The following EP300 variants were observed in gnomAD, a reference collection of about 807,000 sequenced individuals.
The protein encoded by EP300 is histone acetyltransferase p300.
In EP300, 31 loss-of-function variants were observed where a neutral mutation model predicts 264.0. That is an observed-to-expected ratio of 0.12 (90% CI 0.09 to 0.16). EP300 has a LOEUF of 0.16. EP300 is among the 10% of genes least tolerant of loss of function. The probability of loss-of-function intolerance (pLI) is 1.00; values close to 1 mark genes in which losing one functional copy is unlikely to be tolerated. For synonymous variants in EP300, 1,340 were observed against 1,045.4 expected (o/e 1.28, Z -5.44); for missense variants, 2,766 against 3,052.9 (o/e 0.91, Z 2.21).
In EP300 at chr22:41,179,920, ACACT is replaced by A. The variant is rs1246360069; in HGVS notation, c.*965_*968del. On this transcript the variant is annotated 3_prime_UTR_variant, in exon 31 of 31. Coordinates refer to ENST00000263253, the MANE Select transcript of EP300 (RefSeq NM_001429.4). Reference sequence around the variant, plus strand: ...CACACACACACACACACACACACACACACTTTCTATAAAACTTGAAAATAGCAAA... The same window carrying A: ...CACACACACACACACACACACACACATTCTATAAAACTTGAAAATAGCAAA... 1 of 176,280 alleles carries A rather than the reference ACACT, an allele frequency of 5.7e-6. No homozygotes were observed. Among genetic ancestry groups the A allele is most frequent in the East Asian group, 9.3e-5 (1 of 10,760 alleles). The allele number at this position is 176,280 out of a possible 1,614,324, so 10.9% of individuals were successfully genotyped here.
At chr22:41,157,512 CTTTTTTTT>C (rs1214250106) in intron 18 of EP300, 104 bp downstream of exon 18, 15 of 443,696 alleles carry the variant, frequency 3.4e-5, no homozygotes, top group Admixed American at 8.4e-5. Flanking sequence ...TTTGACATGG[CTTTTTTTT>C]TTTTTTTTTT....
At chr22:41,170,185 G>A (rs951661593) in intron 26 of EP300, among the ~76,000 whole-genome samples, 1 of 152,142 alleles carries the variant, frequency 6.6e-6, no homozygotes, top group African/African-American at 2.4e-5. Flanking sequence ...TCCCACCATG[G>A]CCTCCAAAAA....
chr22:41,179,775 T>C lies in EP300; in HGVS notation c.*819T>C. On this transcript the variant is annotated 3_prime_UTR_variant, in exon 31 of 31. Coordinates refer to ENST00000263253, the MANE Select transcript of EP300 (RefSeq NM_001429.4). ...TTTACATCTAACAAAGTAAAAAAAT[T>C]AAAAAGAGGGTAAGAAACGATTCCG... 8.6e-6 allele frequency: 2 copies of C among 231,260 alleles called. No homozygotes were observed. Among genetic ancestry groups the C allele is most frequent in the Non-Finnish European group, 1.7e-5 (2 of 116,800 alleles). 14.3% of individuals were successfully genotyped at this position (231,260 alleles called of 1,614,324 possible).
intron 17 of EP300, 22 bp downstream of exon 17, chr22:41,155,135 T>G: frequency 6.6e-7 from 1 of 1,509,226 alleles, no homozygotes; most frequent in Non-Finnish European, 9.2e-7. Flanking sequence ...GTGGTACTTT[T>G]GATTTTATTT....
At chr22:41,130,121 GT>G (rs1267789212) in intron 5 of EP300, 118 bp downstream of exon 5, 1 of 779,932 alleles carries the variant, frequency 1.3e-6, no homozygotes, top group Non-Finnish European at 2.1e-6. Context: ...TTGAATAAAT[GT>G]TTTTTTCCCT....
intron 14 of EP300, 93 bp downstream of exon 14, chr22:41,150,291 TCTTA>T (rs2059036675): frequency 7.2e-7 from 1 of 1,384,170 alleles, no homozygotes; most frequent in Non-Finnish European, 9.9e-7. Flanking sequence ...TTGCTTTATC[TCTTA>T]CTGTTTTCTC....
At chr22:41,156,603 C>T (rs1387844842) in intron 17 of EP300, among the ~76,000 whole-genome samples, 1 of 152,064 alleles carries the variant, frequency 6.6e-6, no homozygotes, top group Non-Finnish European at 1.5e-5. Flanking sequence ...CGCCTGTAAT[C>T]CTGGCTACTT....
At chr22:41,148,159 C>CAT (rs2059023265) in intron 12 of EP300, among the ~76,000 whole-genome samples, 3 of 152,210 alleles carry the variant, frequency 2.0e-5, no homozygotes. Flanking sequence ...TAGTGGCCTG[C>CAT]ATGCGTTTTC....
In EP300 at chr22:41,127,583, C is replaced by T; in HGVS notation, c.1003C>T (p.Arg335Cys). 2 of 1,614,232 alleles carry T rather than the reference C, an allele frequency of 1.2e-6. No homozygotes were observed. The highest frequency in any genetic ancestry group is 1.7e-6 in the Non-Finnish European group (2 of 1,180,046). Residue 335 changes from arginine to cysteine, a missense_variant, in exon 4 of 31, where the codon CGC becomes TGC. Physicochemically the swap from Arg to Cys is radical, Grantham distance 180 (BLOSUM62 -3). Coordinates refer to ENST00000263253, the MANE Select transcript of EP300 (RefSeq NM_001429.4). ...SGAHTADPEK[R>C]KLIQQQLVLL... The stretch of plus-strand genomic sequence containing the variant: ...AGCACATACAGCTGATCCAGAGAAG[C>T]GCAAGCTCATCCAGCAGCAGCTTGT...
intron 1 of EP300, among the ~76,000 whole-genome samples, chr22:41,098,208 G>A (rs2058712557): frequency 1.3e-5 from 2 of 152,006 alleles, no homozygotes; most frequent in Admixed American, 6.6e-5. Flanking sequence ...TCGCTTAATA[G>A]ACGGTAGTTT....
At chr22:41,126,364 T>C (rs1385855490) in intron 3 of EP300, 3 of 251,528 alleles carry the variant, frequency 1.2e-5, no homozygotes, top group African/African-American at 2.2e-5. Flanking sequence ...CCTTTCACTT[T>C]TGGGGGAAGG....
At chr22:41,110,952 T>G (rs894371788) in intron 1 of EP300, among the ~76,000 whole-genome samples, 3 of 148,098 alleles carry the variant, frequency 2.0e-5, no homozygotes, top group African/African-American at 7.5e-5. Flanking sequence ...TTCCCTATGT[T>G]ATAAATCTTT....
In EP300 at chr22:41,150,372, T is replaced by G. The variant is rs9623334; in HGVS notation, c.2817+174T>G. Among the ~76,000 whole-genome samples the G allele has an allele frequency of 0.018, 2,708 of 152,318 alleles. 75 individuals carry two copies. The highest frequency in any genetic ancestry group is 0.063 in the African/African-American group (2,605 of 41,562). ...ATCCTGTTTTGCCTTCCTGTGATAG[T>G]ACCTATCGTAGCAGGAGCATAAAGA... is the stretch of plus-strand genomic sequence containing the variant. On this transcript the variant is annotated intron_variant, in intron 14 of 30. Coordinates refer to ENST00000263253, the MANE Select transcript of EP300 (RefSeq NM_001429.4).
At chr22:41,162,002 G>T (rs111269014) in intron 20 of EP300, among the ~76,000 whole-genome samples, 1 of 152,280 alleles carries the variant, frequency 6.6e-6, no homozygotes, top group African/African-American at 2.4e-5. Flanking sequence ...CTCTCAGGTG[G>T]CTTACCAAAT....
chr22:41,105,216 A>G (rs2058752102), intron 1 of EP300, among the ~76,000 whole-genome samples: 1 of 146,514 alleles, frequency 6.8e-6, no homozygotes, highest in Non-Finnish European at 1.5e-5. Flanking sequence ...AAAAAAAAAA[A>G]AAAAAGCCGG....
Position 41,158,403 on chromosome 22 carries a change from C to A in EP300, c.3502-9C>A, listed in dbSNP as rs752128445. The A allele has an allele frequency of 1.1e-5, 17 of 1,613,666 alleles. No individual in the cohort carries two copies. The East Asian group carries it at 3.3e-4, about 32-fold the overall frequency. On this transcript the variant is annotated splice_polypyrimidine_tract_variant and intron_variant, in intron 18 of 30. Transcript: ENST00000263253. ...CTCTGTGCTTTTTAACAAATGGTTT[C>A]TTTTGCAGTTGGAGTTCTCTCCACA...
chr22:41,128,620 G>A (rs5995998), intron 4 of EP300, among the ~76,000 whole-genome samples: 53 of 151,984 alleles, frequency 3.5e-4, no homozygotes, highest in African/African-American at 1.3e-3. Flanking sequence ...CCATTCTCCC[G>A]CCTCAGCCTC....
intron 13 of EP300, 36 bp downstream of exon 13, chr22:41,149,211 A>T (rs1601619074): frequency 6.2e-7 from 1 of 1,613,454 alleles, no homozygotes; most frequent in Middle Eastern, 1.6e-4. Flanking sequence ...CTTATTTTTG[A>T]TTCTTGAAAC....
intron 5 of EP300, among the ~76,000 whole-genome samples, chr22:41,130,208 G>A (rs2058909939): frequency 6.7e-6 from 1 of 149,426 alleles, no homozygotes; most frequent in South Asian, 2.1e-4. Flanking sequence ...CTATGGTCAT[G>A]TTACTGCGCT....
Sources: gnomAD v4.1 joint callset for allele counts (sites outside exome capture counted in the v4.1 genomes callset) on GRCh38, gnomAD v4.1.1 for gene constraint, MANE v1.5 for transcripts, NCBI Gene and HGNC (gene_info 2026-07-23, HGNC 2026-07-21) for gene names.